THADA: variants seen among roughly 807,000 people sequenced by gnomAD.
THADA encodes the protein tRNA (32-2'-O)-methyltransferase regulator THADA.
Under a neutral mutation model 219.8 loss-of-function variants are expected in THADA, and 213 were observed. That is an observed-to-expected ratio of 0.97 (90% confidence interval 0.87 to 1.09). The LOEUF (loss-of-function observed/expected upper bound fraction) is 1.09, where lower values mean the gene tolerates loss of function less well. Among genes scored for constraint, THADA ranks in the 50% least tolerant of loss-of-function variants. The probability of loss-of-function intolerance (pLI) is 0.00; values close to 1 mark genes in which losing one functional copy is unlikely to be tolerated. For missense variants in THADA, 2,956 were observed against 2,311.3 expected (o/e 1.28, Z -5.72); for synonymous variants, 1,018 against 828.9 (o/e 1.23, Z -3.92).
chr2:43,475,826 A>G (rs995951129), intron 26 of THADA, among the ~76,000 whole-genome samples: 1 of 152,260 alleles, frequency 6.6e-6, no homozygotes, highest in African/African-American at 2.4e-5. Context: ...AATTACATAA[A>G]GAAAATACAT....
chr2:43,416,587 G>C (rs574650431), intron 28 of THADA, among the ~76,000 whole-genome samples: 2 of 152,120 alleles, frequency 1.3e-5, no homozygotes, highest in African/African-American at 2.4e-5. Flanking sequence ...GGCATCTCTT[G>C]GGGGCTGGTG....
chr2:43,406,769 C>T (rs1675583464), intron 28 of THADA, among the ~76,000 whole-genome samples: 3 of 152,188 alleles, frequency 2.0e-5, no homozygotes, highest in Admixed American at 2.0e-4. Context: ...TGACCCTGTA[C>T]CAATGAGCCA....
chr2:43,489,118 CTTGA>C (rs1034696109), intron 25 of THADA, among the ~76,000 whole-genome samples: 55 of 152,218 alleles, frequency 3.6e-4, no homozygotes, highest in African/African-American at 1.3e-3. Flanking sequence ...TTTATACTTT[CTTGA>C]TTGTGTCCTT....
At chr2:43,426,965 C>T (rs181686842) in intron 28 of THADA, among the ~76,000 whole-genome samples, 2 of 151,914 alleles carry the variant, frequency 1.3e-5, no homozygotes, top group Non-Finnish European at 2.9e-5. Flanking sequence ...GGCCTTTGAT[C>T]CAAAATGAAC....
chr2:43,427,687 T>C (rs1678646083), intron 28 of THADA, among the ~76,000 whole-genome samples: 1 of 149,542 alleles, frequency 6.7e-6, no homozygotes, highest in African/African-American at 2.4e-5. Flanking sequence ...CCGGGCGCGG[T>C]GGCTCATGCC....
chr2:43,370,663 A>T (rs1670694029), intron 29 of THADA, among the ~76,000 whole-genome samples: 1 of 152,254 alleles, frequency 6.6e-6, no homozygotes, highest in Non-Finnish European at 1.5e-5. Context: ...TTACTCAAGA[A>T]GTTAATACTG....
intron 34 of THADA, among the ~76,000 whole-genome samples, chr2:43,287,580 A>G (rs560494177): frequency 1.2e-4 from 18 of 152,276 alleles, no homozygotes; most frequent in Non-Finnish European, 2.5e-4. Context: ...TACAGACATG[A>G]GCCACTGCTC....
intron 30 of THADA, among the ~76,000 whole-genome samples, chr2:43,327,077 A>G (rs1679418415): frequency 6.6e-6 from 1 of 151,972 alleles, no homozygotes; most frequent in African/African-American, 2.4e-5. Flanking sequence ...ATATGTGGAG[A>G]AAAAAATACA....
chr2:43,581,053 T>C (rs1281690451), intron 8 of THADA, among the ~76,000 whole-genome samples: 1 of 152,144 alleles, frequency 6.6e-6, no homozygotes, highest in Non-Finnish European at 1.5e-5. Context: ...GAATGGGAGG[T>C]GAAGAGAGAA....
chr2:43,393,817 G>T (rs2104701148), intron 29 of THADA, among the ~76,000 whole-genome samples: 1 of 151,724 alleles, frequency 6.6e-6, no homozygotes, highest in Admixed American at 6.6e-5. Flanking sequence ...TGAAAAAACT[G>T]AAAATTCAAA....
chr2:43,365,566 G>GACACACAC (rs375762944), intron 29 of THADA, among the ~76,000 whole-genome samples: 4,546 of 143,540 alleles, frequency 0.032, 100 homozygotes, highest in African/African-American at 0.034. Flanking sequence ...GCAAGACTCT[G>GACACACAC]ACACACACAC....
chr2:43,404,691 G>A (rs1348771578), intron 28 of THADA, among the ~76,000 whole-genome samples: 1 of 151,974 alleles, frequency 6.6e-6, no homozygotes, highest in Non-Finnish European at 1.5e-5. Flanking sequence ...ACAGAAACAG[G>A]GTCTTCATAG....
chr2:43,250,216 T>G (rs1336543155), intron 36 of THADA, among the ~76,000 whole-genome samples: 1 of 152,250 alleles, frequency 6.6e-6, no homozygotes, highest in Non-Finnish European at 1.5e-5. Flanking sequence ...GGACCATTAC[T>G]CAGCCATAAA....
chr2:43,472,700 T>C (rs1000674068), intron 26 of THADA, among the ~76,000 whole-genome samples: 1 of 152,196 alleles, frequency 6.6e-6, no homozygotes, highest in African/African-American at 2.4e-5. Context: ...ATTAGACAAT[T>C]GCATTGTAGT....
chr2:43,432,253 G>C (rs868291753), intron 26 of THADA, among the ~76,000 whole-genome samples: 1 of 152,132 alleles, frequency 6.6e-6, no homozygotes, highest in Admixed American at 6.5e-5. Context: ...GCCTCCCAAA[G>C]TTCTGGGATT....
chr2:43,560,456 C>A, intron 15 of THADA, 71 bp from the exon 16 acceptor site: 1 of 1,185,978 alleles, frequency 8.4e-7, no homozygotes, highest in Non-Finnish European at 1.1e-6. Context: ...AGTTATTTGA[C>A]CAAATTTATA....
chr2:43,538,504 A>G (rs1694895198), intron 21 of THADA: 1 of 152,218 alleles, frequency 6.6e-6, no homozygotes, highest in African/African-American at 2.4e-5. Context: ...CTAGGGAATC[A>G]ATCATTTAAG....
chr2:43,479,951 A>G (rs1431149836), intron 26 of THADA, among the ~76,000 whole-genome samples: 1 of 152,200 alleles, frequency 6.6e-6, no homozygotes, highest in Non-Finnish European at 1.5e-5. Flanking sequence ...TCAACCTACT[A>G]TGTGGGAGAT....
intron 16 of THADA, among the ~76,000 whole-genome samples, chr2:43,559,200 C>T (rs562709305): frequency 2.0e-5 from 3 of 152,242 alleles, no homozygotes; most frequent in Admixed American, 2.0e-4. Context: ...AAGTTAGCAG[C>T]CTGAGCACCA....
Sources: gnomAD v4.1 joint callset for allele counts (sites outside exome capture counted in the v4.1 genomes callset) on GRCh38, gnomAD v4.1.1 for gene constraint, MANE v1.5 for transcripts, NCBI Gene and HGNC (gene_info 2026-07-23, HGNC 2026-07-21) for gene names.